FAM193A: variants seen among roughly 807,000 people sequenced by gnomAD.
The protein encoded by FAM193A is protein FAM193A.
Under a neutral mutation model 126.5 loss-of-function variants are expected in FAM193A, and 22 were observed. The observed-to-expected ratio is 0.17, with a 90% CI of 0.12 to 0.25. FAM193A has a LOEUF of 0.25. Among genes scored for constraint, FAM193A ranks in the 10% least tolerant of loss-of-function variants. FAM193A has a pLI of 1.00. For synonymous variants in FAM193A, 761 were observed against 646.8 expected (o/e 1.18, Z -2.68); for missense variants, 1,675 against 1,672.8 (o/e 1.00, Z -0.02).
At position 2,646,748 on chromosome 4, in the gene FAM193A, C is replaced by A; in HGVS notation, c.1227C>A (p.Tyr409Ter). 1 of 1,614,088 alleles carries A rather than the reference C, an allele frequency of 6.2e-7. No homozygotes were observed. Residue 409 changes from tyrosine (Y) to a stop codon, truncating the protein, a stop_gained, in exon 7 of 21, where the codon TAC becomes TAA. Transcript: ENST00000637812. LOFTEE classifies it high-confidence loss of function. ...CATACAGTACCTTGCTGCAGAGGTA[C>A]CAGCGTTCCGAGGAGGAGCTGCGCA... ...EDTYSTLLQR[Y>*]QRSEEELRRV...
intron 2 of FAM193A, among the ~76,000 whole-genome samples, chr4:2,601,081 C>T (rs1034523379): frequency 6.6e-6 from 1 of 152,138 alleles, no homozygotes; most frequent in Non-Finnish European, 1.5e-5. Flanking sequence ...GATAGTGCCA[C>T]TGTACTGCAG....
intron 1 of FAM193A, among the ~76,000 whole-genome samples, chr4:2,594,939 C>T (rs1740777001): frequency 6.8e-6 from 1 of 146,128 alleles, no homozygotes. Flanking sequence ...AACGATTCTC[C>T]TGCGTCAGCC....
chr4:2,610,872 A>G (rs1318270676), intron 2 of FAM193A, among the ~76,000 whole-genome samples: 1 of 151,494 alleles, frequency 6.6e-6, no homozygotes, highest in Non-Finnish European at 1.5e-5. Flanking sequence ...CAAGTAGCTG[A>G]GATTACAGGC....
At chr4:2,665,192 A>G (rs995230679) in intron 12 of FAM193A, among the ~76,000 whole-genome samples, 2 of 152,168 alleles carry the variant, frequency 1.3e-5, no homozygotes, top group African/African-American at 2.4e-5. Context: ...TTGTGTCTGG[A>G]ATATATAAGT....
intron 16 of FAM193A, among the ~76,000 whole-genome samples, chr4:2,694,333 G>C (rs544270905): frequency 6.6e-6 from 1 of 151,860 alleles, no homozygotes; most frequent in Non-Finnish European, 1.5e-5. Flanking sequence ...GCAGTAGTGC[G>C]ATCTCAGCTC....
intron 1 of FAM193A, among the ~76,000 whole-genome samples, chr4:2,554,004 C>T (rs771936839): frequency 6.6e-6 from 1 of 152,074 alleles, no homozygotes; most frequent in Non-Finnish European, 1.5e-5. Context: ...TTTTTTTTCC[C>T]AGTCTTGGGT....
chr4:2,540,968 G>C (rs1311072671), intron 1 of FAM193A, among the ~76,000 whole-genome samples: 1 of 126,054 alleles, frequency 7.9e-6, no homozygotes, highest in Non-Finnish European at 1.6e-5. Context: ...CTCAAAATCC[G>C]TCTCAAAAAA....
At chr4:2,727,290 T>G (rs1378553127) in intron 20 of FAM193A, among the ~76,000 whole-genome samples, 2 of 152,190 alleles carry the variant, frequency 1.3e-5, no homozygotes, top group African/African-American at 4.8e-5. Flanking sequence ...TGCTGTTAGT[T>G]TTAAACTGGT....
Position 2,699,702 on chromosome 4 carries a change from A to G in FAM193A, c.3530A>G (p.Glu1177Gly), listed in dbSNP as rs777696202. The G allele has an allele frequency of 1.9e-6, 3 of 1,606,402 alleles. No homozygotes were observed. The highest frequency in any genetic ancestry group is 2.5e-6 in the Non-Finnish European group (3 of 1,177,462). ...QRKLEEKARL[E>G]AEARAREHLH... ...CAGCTGGAGGAGAAAGCTCGCCTAG[A>G]AGCAGAGGCCAGGGCCCGGGAGCAC... The change falls in exon 19 of 21, where the codon GAA becomes GGA. Residue 1177 changes from glutamate (E) to glycine (G), a missense_variant. By Grantham distance (98) the Glu-to-Gly change is moderately conservative (BLOSUM62 -2). This residue lies in a region of FAM193A where 415 missense variants were observed against 396.7 expected (regional missense o/e 1.05). Coordinates refer to ENST00000637812, the MANE Select transcript of FAM193A (RefSeq NM_001366318.2).
rs144157168 is a variant in FAM193A at position 2,682,146 on chromosome 4, G to A, written c.2332-7360G>A. ...ACTACAGGTGCCCACCACCATGCCC[G>A]GCTAATTTTTTGTATATTTAGTAAA... is the stretch of plus-strand genomic sequence containing the variant. On this transcript the variant is annotated intron_variant, in intron 13 of 20. Coordinates refer to ENST00000637812, the MANE Select transcript of FAM193A (RefSeq NM_001366318.2). Among the ~76,000 whole-genome samples, 299 of 151,684 alleles carry A rather than the reference G, an allele frequency of 2.0e-3. 1 individual carries two copies. The highest frequency in any genetic ancestry group is 6.4e-3 in the African/African-American group (267 of 41,400).
intron 14 of FAM193A, among the ~76,000 whole-genome samples, chr4:2,690,024 G>A (rs754066722): frequency 5.9e-5 from 9 of 152,194 alleles, no homozygotes; most frequent in African/African-American, 1.4e-4. Flanking sequence ...TTCAATTCTC[G>A]AGCAGTGGTG....
intron 2 of FAM193A, among the ~76,000 whole-genome samples, chr4:2,599,648 G>C (rs866271590): frequency 6.6e-6 from 1 of 151,992 alleles, no homozygotes. Context: ...AGACATAGTC[G>C]TGCCTGGAAA....
At chr4:2,657,637 A>C (rs1429228408) in intron 7 of FAM193A, among the ~76,000 whole-genome samples, 166 bp from the exon 8 acceptor site, 1 of 152,190 alleles carries the variant, frequency 6.6e-6, no homozygotes, top group Non-Finnish European at 1.5e-5. Context: ...TAAAATAAAG[A>C]AATACCTGTT....
intron 19 of FAM193A, among the ~76,000 whole-genome samples, chr4:2,708,705 T>G (rs1342904485): frequency 1.3e-5 from 2 of 152,068 alleles, no homozygotes; most frequent in Non-Finnish European, 2.9e-5. Context: ...TCAAGTGATC[T>G]GCCCTCCTTG....
intron 1 of FAM193A, among the ~76,000 whole-genome samples, chr4:2,563,534 AC>A (rs1738755849): frequency 2.0e-5 from 3 of 150,542 alleles, no homozygotes; most frequent in South Asian, 4.2e-4. Context: ...ACAAAAAAAA[AC>A]AAAAAAAAAA....
chr4:2,544,859 A>C (rs1328873378), intron 1 of FAM193A, among the ~76,000 whole-genome samples: 1 of 152,080 alleles, frequency 6.6e-6, no homozygotes, highest in Non-Finnish European at 1.5e-5. Flanking sequence ...GGTGACAGGG[A>C]GACCTCATCT....
At chr4:2,632,433 G>A (rs563380044) in intron 5 of FAM193A, among the ~76,000 whole-genome samples, 6 of 152,144 alleles carry the variant, frequency 3.9e-5, no homozygotes, top group East Asian at 3.9e-4. Context: ...TTAACCAGGC[G>A]TGATGACGCA....
At chr4:2,666,103 T>C (rs1713083161) in intron 12 of FAM193A, among the ~76,000 whole-genome samples, 1 of 152,258 alleles carries the variant, frequency 6.6e-6, no homozygotes, top group African/African-American at 2.4e-5. Context: ...TTGACCACTC[T>C]TTAAATGTGA....
intron 6 of FAM193A, among the ~76,000 whole-genome samples, chr4:2,645,034 ATGTG>A (rs3221482): frequency 0.31 from 46,847 of 149,218 alleles, 7,453 homozygotes; most frequent in Middle Eastern, 0.38. Context: ...ATATACATGA[ATGTG>A]TGTGTGTGTG....
Sources: gnomAD v4.1 joint callset for allele counts (sites outside exome capture counted in the v4.1 genomes callset) on GRCh38, gnomAD v4.1.1 for gene constraint, gnomAD v4.1.1 regional missense constraint, MANE v1.5 for transcripts, NCBI Gene and HGNC (gene_info 2026-07-23, HGNC 2026-07-21) for gene names.